The following RPH3A variants were observed in gnomAD, a reference collection of about 807,000 sequenced individuals.
The protein encoded by RPH3A is rabphilin 3A, also known as rabphilin-3A.
A neutral mutation model predicts 102.2 loss-of-function variants in RPH3A; 48 were observed. That is an observed-to-expected ratio of 0.47 (90% CI 0.37 to 0.60). The LOEUF (loss-of-function observed/expected upper bound fraction) is 0.60. Among genes scored for constraint, RPH3A ranks in the 20% least tolerant of loss-of-function variants. RPH3A has a pLI of 0.00. For missense variants in RPH3A, 781 were observed against 910.1 expected, an observed-to-expected ratio of 0.86 and a Z score of 1.83; for synonymous variants, 310 against 324.3, an observed-to-expected ratio of 0.96 and a Z score of 0.47.
intron 4 of RPH3A, among the ~76,000 whole-genome samples, chr12:112,847,027 T>C (rs1017317159): frequency 1.3e-5 from 2 of 152,084 alleles, no homozygotes; most frequent in Admixed American, 6.5e-5. Flanking sequence ...GTAGGGGTGA[T>C]GTGAGGATTG....
chr12:112,675,311 T>C (rs948192736), intron 1 of RPH3A, among the ~76,000 whole-genome samples: 3 of 152,166 alleles, frequency 2.0e-5, no homozygotes, highest in Non-Finnish European at 1.5e-5. Context: ...CCAAAAATGC[T>C]AGAACAAGTG....
At chr12:112,681,490 G>A (rs952357690) in intron 1 of RPH3A, among the ~76,000 whole-genome samples, 3 of 152,232 alleles carry the variant, frequency 2.0e-5, no homozygotes, top group Admixed American at 2.0e-4. Flanking sequence ...GTTTAGGCAG[G>A]AGAGTAATAT....
intron 2 of RPH3A, among the ~76,000 whole-genome samples, chr12:112,809,984 T>C (rs909266444): frequency 1.3e-5 from 2 of 152,192 alleles, no homozygotes; most frequent in African/African-American, 4.8e-5. Flanking sequence ...GAGCTTGGCA[T>C]TCAGTTTTCT....
chr12:112,768,799 C>G (rs2040908961), intron 1 of RPH3A, among the ~76,000 whole-genome samples: 1 of 152,100 alleles, frequency 6.6e-6, no homozygotes, highest in Admixed American at 6.6e-5. Flanking sequence ...GTAATTCTAG[C>G]TACTCAAGAG....
intron 1 of RPH3A, among the ~76,000 whole-genome samples, chr12:112,735,359 G>C (rs2040662082): frequency 6.6e-6 from 1 of 152,194 alleles, no homozygotes; most frequent in South Asian, 2.1e-4. Context: ...GAGATGTTGG[G>C]GAGAGAAGCT....
At chr12:112,626,782 C>G (rs1307160478) in intron 1 of RPH3A, among the ~76,000 whole-genome samples, 3 of 61,074 alleles carry the variant, frequency 4.9e-5, no homozygotes, top group African/African-American at 2.0e-4. Flanking sequence ...CAGCATTATT[C>G]ACAATAGCAA....
intron 5 of RPH3A, among the ~76,000 whole-genome samples, chr12:112,851,303 CG>C (rs1435154237): frequency 3.3e-5 from 5 of 152,110 alleles, no homozygotes; most frequent in Admixed American, 6.5e-5. Flanking sequence ...GGCTGACTCT[CG>C]GAACTATGCT....
intron 1 of RPH3A, among the ~76,000 whole-genome samples, chr12:112,682,248 G>A (rs142139558): frequency 1.3e-5 from 2 of 152,278 alleles, no homozygotes; most frequent in African/African-American, 2.4e-5. Flanking sequence ...CAGGGAAGCC[G>A]GGTTGAAGAC....
At chr12:112,836,647 A>T (rs2042056416) in intron 4 of RPH3A, 145 bp downstream of exon 4, 2 of 337,036 alleles carry the variant, frequency 5.9e-6, no homozygotes, top group Non-Finnish European at 1.1e-5. Flanking sequence ...GCTAAGTTAA[A>T]AAAAACACCC....
chr12:112,649,192 T>G (rs1454418983), intron 1 of RPH3A, among the ~76,000 whole-genome samples: 2 of 152,258 alleles, frequency 1.3e-5, no homozygotes, highest in Admixed American at 1.3e-4. Flanking sequence ...TTGGTAGACT[T>G]CAGATAGTGC....
intron 1 of RPH3A, among the ~76,000 whole-genome samples, chr12:112,603,552 G>A (rs1592902509): frequency 1.3e-5 from 2 of 152,206 alleles, no homozygotes; most frequent in South Asian, 4.2e-4. Context: ...AAAATCATGG[G>A]AAGATGTACA....
intron 2 of RPH3A, among the ~76,000 whole-genome samples, chr12:112,819,996 T>C (rs2041750401): frequency 6.6e-6 from 1 of 152,210 alleles, no homozygotes; most frequent in African/African-American, 2.4e-5. Flanking sequence ...AGATTTCACC[T>C]CTGGATGGTA....
chr12:112,665,831 A>C (rs939710579), intron 1 of RPH3A, among the ~76,000 whole-genome samples: 2 of 152,196 alleles, frequency 1.3e-5, no homozygotes, highest in Non-Finnish European at 2.9e-5. Context: ...GATAAAAAGG[A>C]AGGATTGTCT....
chr12:112,847,418 A>T (rs1431329223), intron 4 of RPH3A, among the ~76,000 whole-genome samples: 1 of 152,184 alleles, frequency 6.6e-6, no homozygotes, highest in South Asian at 2.1e-4. Flanking sequence ...GTAGAAGTCT[A>T]CTGTTCTGGA....
chr12:112,715,891 A>C (rs1219479341), intron 1 of RPH3A, among the ~76,000 whole-genome samples: 1 of 152,222 alleles, frequency 6.6e-6, no homozygotes, highest in Non-Finnish European at 1.5e-5. Flanking sequence ...TTTCTTAATT[A>C]TATGCTAAAC....
chr12:112,882,528 G>A (rs373763493), intron 15 of RPH3A, among the ~76,000 whole-genome samples: 3 of 152,276 alleles, frequency 2.0e-5, no homozygotes, highest in South Asian at 2.1e-4. Context: ...TACCAAATGC[G>A]CCATGAGACA....
intron 13 of RPH3A, among the ~76,000 whole-genome samples, chr12:112,878,374 T>C (rs1489714958): frequency 6.6e-6 from 1 of 152,172 alleles, no homozygotes; most frequent in South Asian, 2.1e-4. Context: ...CAAACCTGTC[T>C]CCATACTCTA....
chr12:112,698,827 C>G (rs2040370723), intron 1 of RPH3A, among the ~76,000 whole-genome samples: 1 of 151,898 alleles, frequency 6.6e-6, no homozygotes, highest in South Asian at 2.1e-4. Context: ...CCTTCTCCTA[C>G]TTCTCCTTCC....
In RPH3A at chr12:112,774,949, T is replaced by G. The variant is rs547755719; in HGVS notation, c.-139-17194T>G. Among the ~76,000 whole-genome samples the G allele has an allele frequency of 3.3e-5, 5 of 152,116 alleles. No individual in the cohort carries two copies. The South Asian group carries it at 1.0e-3, about 32-fold the overall frequency. ...AACAAACCTGCCCAGCCTACACATG[T>G]ACCCCAGAACTTAAAATAAAAATGA... On this transcript the variant is annotated intron_variant, in intron 1 of 21. Coordinates refer to the RPH3A transcript ENST00000543106.
Sources: gnomAD v4.1 joint callset for allele counts (sites outside exome capture counted in the v4.1 genomes callset) on GRCh38, gnomAD v4.1.1 for gene constraint, MANE v1.5 for transcripts, NCBI Gene and HGNC (gene_info 2026-07-23, HGNC 2026-07-21) for gene names.